The following ADAP1 variants were observed in gnomAD, a reference collection of about 807,000 sequenced individuals.
The protein encoded by ADAP1 is ArfGAP with dual PH domains 1, also known as arf-GAP with dual PH domain-containing protein 1.
In ADAP1, 31 loss-of-function variants were observed where a neutral mutation model predicts 54.9. The ratio of observed to expected loss-of-function variants is 0.56; its 90% CI spans 0.42 to 0.76. The LOEUF (loss-of-function observed/expected upper bound fraction) is 0.76, where lower values mean the gene tolerates loss of function less well. Ranked by LOEUF, ADAP1 falls within the 30% of genes least tolerant of loss-of-function variation. The probability of loss-of-function intolerance (pLI) is 0.00; values close to 1 mark genes in which losing one functional copy is unlikely to be tolerated. For synonymous variants in ADAP1, 313 were observed against 202.6 expected (o/e 1.55, Z -4.63); for missense variants, 535 against 512.4 (o/e 1.04, Z -0.42).
intron 6 of ADAP1, 32 bp from the exon 7 acceptor site, chr7:900,648 G>C (rs761551041): frequency 3.2e-6 from 5 of 1,582,320 alleles, no homozygotes; most frequent in African/African-American, 1.3e-5. Context: ...GGCTTGGGCT[G>C]AGGAGGCTGC....
chr7:948,671 G>A (rs750203259), intron 1 of ADAP1, among the ~76,000 whole-genome samples: 23 of 151,970 alleles, frequency 1.5e-4, no homozygotes, highest in Non-Finnish European at 2.6e-4. Context: ...TCCTGAAAAC[G>A]CGTTTACGGG....
intron 3 of ADAP1, among the ~76,000 whole-genome samples, chr7:921,427 C>T (rs1409569831): frequency 1.3e-5 from 2 of 152,254 alleles, no homozygotes; most frequent in East Asian, 3.8e-4. Flanking sequence ...ACTCAAGGAT[C>T]CTCCTGCCTC....
Position 934,390 on chromosome 7 carries a change from A to AG in ADAP1, c.213+984dup, listed in dbSNP as rs1167317136. Among the ~76,000 whole-genome samples, 6 of 73,200 alleles carry AG rather than the reference A, an allele frequency of 8.2e-5. 1 individual carries two copies. Among genetic ancestry groups the AG allele is most frequent in the Non-Finnish European group, 1.2e-4 (4 of 32,872 alleles). 48.0% of individuals were successfully genotyped at this position (73,200 alleles called of 152,430 possible). Reference sequence around the variant, plus strand: ...GGTGCCAGAGTCAGTGGTGTTGGAGAGGGGGGGCCCAGGGTCAATGGTGCT... The same window carrying AG: ...GGTGCCAGAGTCAGTGGTGTTGGAGAGGGGGGGGCCCAGGGTCAATGGTGCT... On this transcript the variant is annotated intron_variant, in intron 2 of 10. Transcript: ENST00000265846.
rs372298172 is a variant in ADAP1, at chr7:909,531, G to A, written c.389-4359C>T. ...GGCCACGGTCCCGGACGCGCCCCACGCCCAGTCCAGACCTCAGGCTGAGCC... is the reference window on the plus strand; with the variant it reads ...GGCCACGGTCCCGGACGCGCCCCACACCCAGTCCAGACCTCAGGCTGAGCC... On this transcript the variant is annotated intron_variant, in intron 4 of 10. Coordinates refer to ENST00000265846, the MANE Select transcript of ADAP1 (RefSeq NM_006869.4). Among the ~76,000 whole-genome samples, 22 of 152,368 alleles carry A rather than the reference G, an allele frequency of 1.4e-4. No homozygotes were observed. In the East Asian group the frequency reaches 1.9e-3, roughly 13 times the overall value.
intron 2 of ADAP1, 122 bp downstream of exon 2, chr7:935,252 GC>G: frequency 7.3e-7 from 1 of 1,370,918 alleles, no homozygotes; most frequent in Non-Finnish European, 1.0e-6. Context: ...AGCCAGCCAG[GC>G]CCCCAGAGTA....
chr7:935,525 G>C lies in ADAP1; in HGVS notation c.83-20C>G. Reference sequence around the variant, plus strand: ...CGGGATCTGCAAGGGAAAGCCGGACGTTCACGGAGGCTCAGCCCAGGGACC... The same window carrying C: ...CGGGATCTGCAAGGGAAAGCCGGACCTTCACGGAGGCTCAGCCCAGGGACC... On this transcript the variant is annotated intron_variant, in intron 1 of 10. Transcript: ENST00000265846. 3 of 1,557,988 alleles carry C rather than the reference G, an allele frequency of 1.9e-6. No homozygotes were observed. Among genetic ancestry groups the C allele is most frequent in the Non-Finnish European group, 2.6e-6 (3 of 1,151,174 alleles).
intron 1 of ADAP1, among the ~76,000 whole-genome samples, chr7:937,909 A>C (rs565841450): frequency 1.3e-5 from 2 of 152,244 alleles, no homozygotes; most frequent in South Asian, 4.1e-4. Flanking sequence ...GCACCCCCGG[A>C]TCTGGCACAG....
At chr7:947,952 C>T (rs373071435) in intron 1 of ADAP1, among the ~76,000 whole-genome samples, 1 of 151,920 alleles carries the variant, frequency 6.6e-6, no homozygotes, top group African/African-American at 2.4e-5. Flanking sequence ...CTTTGACCTG[C>T]GAGGTGCACG....
intron 4 of ADAP1, among the ~76,000 whole-genome samples, chr7:908,568 G>A (rs1229282372): frequency 1.3e-5 from 2 of 152,344 alleles, no homozygotes; most frequent in African/African-American, 2.4e-5. Flanking sequence ...TGAGAGCGAG[G>A]CCACCAGTGT....
intron 1 of ADAP1, among the ~76,000 whole-genome samples, chr7:940,232 G>T (rs1322828469): frequency 2.6e-5 from 4 of 151,816 alleles, no homozygotes; most frequent in Non-Finnish European, 5.9e-5. Context: ...CCAGCATTTT[G>T]GGAGATTGAG....
At chr7:955,407 T>C (rs770309745), upstream of ADAP1, 14 of 1,549,630 alleles carry the variant, frequency 9.0e-6, no homozygotes, top group Middle Eastern at 1.7e-4. Flanking sequence ...AACTGGAACA[T>C]ACCAGACTGA....
At chr7:955,290 C>T, upstream of ADAP1, 5 of 1,549,874 alleles carry the variant, frequency 3.2e-6, no homozygotes, top group South Asian at 2.4e-5. Flanking sequence ...GTTTTGATGT[C>T]ACCTCTTCCC....
At position 926,722 on chromosome 7, in the gene ADAP1, G is replaced by A. The variant is rs1031251220; in HGVS notation, c.214-78C>T. On this transcript the variant is annotated intron_variant, in intron 2 of 10. Transcript: ENST00000265846. This position sits in a 1 kb window ranked among gnomAD's most constrained non-coding sequence, Gnocchi z 4.6. The stretch of plus-strand genomic sequence containing the variant: ...GGAGGTGCCAGCTGCCCTTGGGGCC[G>A]TCACCACAGTGACCCGCAGACCCAA... The A allele has an allele frequency of 5.6e-5, 67 of 1,195,556 alleles. No homozygotes were observed. Among genetic ancestry groups the A allele is most frequent in the Non-Finnish European group, 7.3e-5 (64 of 872,034 alleles). The allele number at this position is 1,195,556 out of a possible 1,614,324, so 74.1% of individuals were successfully genotyped here. A position where few individuals can be genotyped will look rare whatever the true frequency, so the allele number is the denominator to read the frequency against.
At position 899,526 on chromosome 7, in the gene ADAP1, C is replaced by T. The variant is rs200373083; in HGVS notation, c.796-36G>A. On this transcript the variant is annotated intron_variant, in intron 8 of 10. Coordinates refer to ENST00000265846, the MANE Select transcript of ADAP1 (RefSeq NM_006869.4). ...GAGAGGGCCCGTGACCGGCAGGTCGCCGAGGCAGGCCCTACATCCAGCTGA... is the reference window on the plus strand; with the variant it reads ...GAGAGGGCCCGTGACCGGCAGGTCGTCGAGGCAGGCCCTACATCCAGCTGA... 1.2e-4 allele frequency: 190 copies of T among 1,599,136 alleles called. 3 individuals carry two copies. In the Admixed American group the frequency reaches 3.0e-3, roughly 26 times the overall value.
chr7:899,377 A>G lies in ADAP1; in HGVS notation c.867+42T>C, dbSNP rs766131575. 1.9e-5 allele frequency: 31 copies of G among 1,609,976 alleles called. No homozygotes were observed. The Admixed American group carries it at 5.0e-4, about 26-fold the overall frequency. On this transcript the variant is annotated intron_variant, in intron 9 of 10. Coordinates refer to ENST00000265846, the MANE Select transcript of ADAP1 (RefSeq NM_006869.4). ...GGTCACGCATCTGGCAACCCCAGCC[A>G]GTGAGCTGCCCTCCCGTGCTGGGGC... is the stretch of plus-strand genomic sequence containing the variant.
At chr7:901,284 G>A (rs1396974067) in intron 6 of ADAP1, 3 of 343,856 alleles carry the variant, frequency 8.7e-6, no homozygotes, top group Non-Finnish European at 1.1e-5. Context: ...CGCCCCTCCT[G>A]GGGTCTGCCC....
upstream of ADAP1, chr7:955,264 G>C (rs1236467072): frequency 6.5e-7 from 1 of 1,545,022 alleles, no homozygotes; most frequent in South Asian, 1.2e-5. Context: ...GGGGCTGACA[G>C]GTAACAAAAA....
upstream of ADAP1, chr7:954,844 A>C (rs1583195517): frequency 1.0e-4 from 57 of 549,056 alleles, no homozygotes; most frequent in East Asian, 1.5e-4. Context: ...CCCGCCCCCC[A>C]TCCGCGCGCA....
At position 905,289 on chromosome 7, in the gene ADAP1, G is replaced by GAA. The variant is rs1424916092; in HGVS notation, c.389-118_389-117insTT. ...AGAAGACACGGGGGACACGGACGGG[G>GAA]GACACGGACAGGGGGAGACGGACGG... On this transcript the variant is annotated intron_variant, in intron 4 of 10. Coordinates refer to ENST00000265846, the MANE Select transcript of ADAP1 (RefSeq NM_006869.4). The GAA allele has an allele frequency of 1.3e-5, 6 of 470,510 alleles. 1 individual carries two copies. In the African/African-American group the frequency reaches 1.6e-4, roughly 12 times the overall value. The allele number at this position is 470,510 out of a possible 1,614,324, so 29.1% of individuals were successfully genotyped here.
Sources: allele counts gnomAD v4.1 joint callset (sites outside exome capture counted in the v4.1 genomes callset), GRCh38; gene constraint gnomAD v4.1.1; non-coding constraint Gnocchi (gnomAD v3.1); transcripts MANE v1.5; gene names NCBI Gene and HGNC (gene_info 2026-07-23, HGNC 2026-07-21).